TIMM29: variants seen among roughly 807,000 people sequenced by gnomAD.
The protein encoded by TIMM29 is mitochondrial import inner membrane translocase subunit Tim29.
TIMM29 carries 23 observed loss-of-function variants against 19.5 expected under a neutral mutation model. The ratio of observed to expected loss-of-function variants is 1.18; its 90% CI spans 0.85 to 1.67. TIMM29 has a LOEUF of 1.67. Ranked by LOEUF, TIMM29 falls within the 40% of genes most tolerant of loss-of-function variation. The pLI is 0.00. For synonymous variants in TIMM29, 209 were observed against 185.0 expected (o/e 1.13, Z -1.05); for missense variants, 404 against 384.7 (o/e 1.05, Z -0.42).
Position 10,929,562 on chromosome 19 carries a change from G to GAGA in TIMM29, c.646_648dup (p.Lys216dup), listed in dbSNP as rs1233564598. ...CGAGACCAACGAGCGGCTCTTCGAT[G>GAGA]AGAAGTACAAGCCTGTCGTGCTCAC... On this transcript the variant is annotated inframe_insertion, in exon 2 of 2. Coordinates refer to ENST00000270502, the MANE Select transcript of TIMM29 (RefSeq NM_138358.4). 4 of 1,613,076 alleles carry GAGA rather than the reference G, an allele frequency of 2.5e-6. No homozygotes were observed.
At position 10,928,942 on chromosome 19, in the gene TIMM29, G is replaced by A. The variant is rs1408859170; in HGVS notation, c.94+26G>A. The A allele has an allele frequency of 3.4e-6, 5 of 1,492,232 alleles. No homozygotes were observed. In the African/African-American group the frequency reaches 4.4e-5, roughly 13 times the overall value. 92.4% of individuals were successfully genotyped at this position (1,492,232 alleles called of 1,614,324 possible). On this transcript the variant is annotated intron_variant, in intron 1 of 1. Transcript: ENST00000270502. ...GTGAGTAGCGGCGGAAGGCGGCAGGGTGGGTGGCCGCCGCGACAGGGTGGG... is the reference window on the plus strand; with the variant it reads ...GTGAGTAGCGGCGGAAGGCGGCAGGATGGGTGGCCGCCGCGACAGGGTGGG...
Position 10,929,539 on chromosome 19 carries a change from AGACCAAC to A in TIMM29, c.623_629del (p.Thr208SerfsTer38). The A allele has an allele frequency of 6.2e-7, 1 of 1,613,056 alleles. No homozygotes were observed. The highest frequency in any genetic ancestry group is 8.5e-7 in the Non-Finnish European group (1 of 1,180,028). Reference sequence around the variant, plus strand: ...GTCGGGCCCCAGCAGCTGCATTCCGAGACCAACGAGCGGCTCTTCGATGAGAAGTACA... The same window carrying A: ...GTCGGGCCCCAGCAGCTGCATTCCGAGAGCGGCTCTTCGATGAGAAGTACA... On this transcript the variant is annotated frameshift_variant, in exon 2 of 2. Transcript: ENST00000270502. LOFTEE classifies it high-confidence loss of function.
chr19:10,929,362 G>C lies in TIMM29; in HGVS notation c.443G>C (p.Arg148Pro). 6.3e-7 allele frequency: 1 copy of C among 1,592,076 alleles called. No homozygotes were observed. Among genetic ancestry groups the C allele is most frequent in the Non-Finnish European group, 8.5e-7 (1 of 1,173,002 alleles). ...GCCCAGGCCAGCCTCTACCAGGCGCGTTGCCGCTACCTGCAGCCCCGCTGG... is the reference window on the plus strand; with the variant it reads ...GCCCAGGCCAGCCTCTACCAGGCGCCTTGCCGCTACCTGCAGCCCCGCTGG... ...FDAQASLYQA[R>P]CRYLQPRWTD... Residue 148 changes from arginine (R) to proline (P), a missense_variant, in exon 2 of 2, where the codon CGT (arginine) becomes CCT (proline). Coordinates refer to ENST00000270502, the MANE Select transcript of TIMM29 (RefSeq NM_138358.4).
rs752026693 is a variant in TIMM29, at chr19:10,929,311, C to A, written c.392C>A (p.Ser131Ter). ...RLRYVNLGLC[S>*]LVYEAPFDAQ... is the part of the protein sequence containing the mutation. ...CGCTACGTCAACCTGGGGCTCTGCT[C>A]GCTGGTGTACGAGGCGCCCTTCGAC... The change falls in exon 2 of 2, where the codon TCG becomes TAG. Residue 131 changes from serine (S) to a stop codon, truncating the protein, a stop_gained. Coordinates refer to ENST00000270502, the MANE Select transcript of TIMM29 (RefSeq NM_138358.4). LOFTEE classifies it high-confidence loss of function. The A allele has an allele frequency of 6.5e-7, 1 of 1,550,338 alleles. No individual in the cohort carries two copies. The highest frequency in any genetic ancestry group is 2.4e-5 in the East Asian group (1 of 41,506).
At position 10,928,833 on chromosome 19, in the gene TIMM29, C is replaced by G; in HGVS notation, c.11C>G (p.Ala4Gly). 1 of 1,528,588 alleles carries G rather than the reference C, an allele frequency of 6.5e-7. No homozygotes were observed. Among genetic ancestry groups the G allele is most frequent in the East Asian group, 2.7e-5 (1 of 37,456 alleles). The allele number at this position is 1,528,588 out of a possible 1,614,324, so 94.7% of individuals were successfully genotyped here. ...CCAAGACGGAAGAGGATGGCCGCGGCGGCTCTGAGGAGATTTTGGTCCCGG... is the reference window on the plus strand; with the variant it reads ...CCAAGACGGAAGAGGATGGCCGCGGGGGCTCTGAGGAGATTTTGGTCCCGG... The part of the protein sequence containing the change: MAA[A>G]ALRRFWSRRR... The change falls in exon 1 of 2, where the codon GCG becomes GGG. Residue 4 changes from alanine (A) to glycine (G), a missense_variant. Transcript: ENST00000270502.
chr19:10,929,632 A>G lies in TIMM29; in HGVS notation c.713A>G (p.Gln238Arg), dbSNP rs781780438. ...DQALWEEQVL[Q>R]KEKKDRLALS... ...GCGCTGTGGGAGGAGCAGGTCTTGC[A>G]GAAGGAGAAGAAGGACAGGCTCGCC... Residue 238 changes from glutamine (Q) to arginine (R), a missense_variant, in exon 2 of 2, where the codon CAG (glutamine) becomes CGG (arginine). Coordinates refer to ENST00000270502, the MANE Select transcript of TIMM29 (RefSeq NM_138358.4). 16 of 1,612,850 alleles carry G rather than the reference A, an allele frequency of 9.9e-6. No individual in the cohort carries two copies. Among genetic ancestry groups the G allele is most frequent in the Non-Finnish European group, 1.4e-5 (16 of 1,180,000 alleles).
Position 10,929,106 on chromosome 19 carries a change from T to C in TIMM29, c.187T>C (p.Tyr63His). Residue 63 changes from tyrosine to histidine, a missense_variant, in exon 2 of 2, where the codon TAT (tyrosine) becomes CAT (histidine). Coordinates refer to ENST00000270502, the MANE Select transcript of TIMM29 (RefSeq NM_138358.4). ...ARARPGRAAVYVGLLGGAAAC... is the reference protein window; with the variant it reads ...ARARPGRAAVHVGLLGGAAAC... The stretch of plus-strand genomic sequence containing the variant: ...GGCCCGGCCGGGGCGCGCCGCTGTG[T>C]ATGTGGGTCTGCTGGGCGGCGCGGC... 2 of 1,466,654 alleles carry C rather than the reference T, an allele frequency of 1.4e-6. No individual in the cohort carries two copies. The highest frequency in any genetic ancestry group is 1.8e-6 in the Non-Finnish European group (2 of 1,121,738). 90.9% of individuals were successfully genotyped at this position (1,466,654 alleles called of 1,614,324 possible).
rs1000622819 is a variant in TIMM29, at chr19:10,928,856, C to T, written c.34C>T (p.Arg12Trp). 21 of 1,526,338 alleles carry T rather than the reference C, an allele frequency of 1.4e-5. No homozygotes were observed. Among genetic ancestry groups the T allele is most frequent in the African/African-American group, 5.8e-5 (4 of 69,292 alleles). 94.5% of individuals were successfully genotyped at this position (1,526,338 alleles called of 1,614,324 possible). A position where few individuals can be genotyped will look rare whatever the true frequency, so the allele number is the denominator to read the frequency against. The change falls in exon 1 of 2, where the codon CGG (arginine) becomes TGG (tryptophan). Residue 12 changes from arginine (R) to tryptophan (W), a missense_variant. Physicochemically the swap from Arg to Trp is moderately radical, Grantham distance 101. Coordinates refer to ENST00000270502, the MANE Select transcript of TIMM29 (RefSeq NM_138358.4). ...GGCGGCTCTGAGGAGATTTTGGTCC[C>T]GGCGCCGCGCAGAGGCGGGCGACGC... ...AAAALRRFWS[R>W]RRAEAGDAVV...
Position 10,929,255 on chromosome 19 carries a change from G to T in TIMM29, c.336G>T (p.Arg112Ser), listed in dbSNP as rs1399322941. 6.5e-7 allele frequency: 1 copy of T among 1,534,198 alleles called. No homozygotes were observed. The highest frequency in any genetic ancestry group is 1.4e-5 in the African/African-American group (1 of 73,016). Reference protein sequence around the residue: ...RNRESEAFVQRLLWLRGRGRL... With the variant: ...RNRESEAFVQSLLWLRGRGRL... ...GCGAGTCCGAAGCCTTCGTGCAGAG[G>T]CTGCTCTGGCTGCGGGGCCGTGGCC... The change falls in exon 2 of 2, where the codon AGG becomes AGT. Residue 112 changes from arginine to serine, a missense_variant. Physicochemically the swap from Arg to Ser is moderately radical, Grantham distance 110. Transcript: ENST00000270502.
In TIMM29 at chr19:10,928,925, C is replaced by T. The variant is rs373414405; in HGVS notation, c.94+9C>T. On this transcript the variant is annotated intron_variant, in intron 1 of 1. Coordinates refer to ENST00000270502, the MANE Select transcript of TIMM29 (RefSeq NM_138358.4). The stretch of plus-strand genomic sequence containing the variant: ...AGTGTGGGCGCGGCTGGGTGAGTAG[C>T]GGCGGAAGGCGGCAGGGTGGGTGGC... 13 of 1,506,682 alleles carry T rather than the reference C, an allele frequency of 8.6e-6. No individual in the cohort carries two copies. Among genetic ancestry groups the T allele is most frequent in the Admixed American group, 2.2e-5 (1 of 44,726 alleles). The allele number at this position is 1,506,682 out of a possible 1,614,324, so 93.3% of individuals were successfully genotyped here.
chr19:10,929,493 C>T lies in TIMM29; in HGVS notation c.574C>T (p.Leu192=), dbSNP rs1454125063. The T allele has an allele frequency of 1.9e-6, 3 of 1,613,108 alleles. No homozygotes were observed. Among genetic ancestry groups the T allele is most frequent in the Non-Finnish European group, 2.5e-6 (3 of 1,180,030 alleles). Residue 192 remains leucine (L), a synonymous_variant, in exon 2 of 2, where the codon CTG becomes TTG. Transcript: ENST00000270502. Reference sequence around the variant, plus strand: ...CATCAACGACGACGAATTCCTGCACCTGCCGGCGCATTTGCGGGTGGTCGG... The same window carrying T: ...CATCAACGACGACGAATTCCTGCACTTGCCGGCGCATTTGCGGGTGGTCGG... ...CDINDDEFLH[L]PAHLRVVGPQ... is the part of the protein sequence containing the mutation.
chr19:10,929,333 CGACGCCCAGGCCA>C lies in TIMM29; in HGVS notation c.416_428del (p.Asp139AlafsTer105), dbSNP rs748615198. On this transcript the variant is annotated frameshift_variant, in exon 2 of 2. Transcript: ENST00000270502. LOFTEE classifies it high-confidence loss of function. ...GCTCGCTGGTGTACGAGGCGCCCTTCGACGCCCAGGCCAGCCTCTACCAGGCGCGTTGCCGCTA... is the reference window on the plus strand; with the variant it reads ...GCTCGCTGGTGTACGAGGCGCCCTTCGCCTCTACCAGGCGCGTTGCCGCTA... 1 of 1,565,994 alleles carries C rather than the reference CGACGCCCAGGCCA, an allele frequency of 6.4e-7. No homozygotes were observed. The highest frequency in any genetic ancestry group is 1.1e-5 in the South Asian group (1 of 87,380).
chr19:10,929,153 C>T lies in TIMM29; in HGVS notation c.234C>T (p.Pro78=), dbSNP rs1468979965. 6.2e-6 allele frequency: 9 copies of T among 1,454,448 alleles called. No homozygotes were observed. In the South Asian group the frequency reaches 1.3e-4, roughly 21 times the overall value. 90.1% of individuals were successfully genotyped at this position (1,454,448 alleles called of 1,614,324 possible). A position where few individuals can be genotyped will look rare whatever the true frequency, so the allele number is the denominator to read the frequency against. The change falls in exon 2 of 2, where the codon CCC becomes CCT. Residue 78 remains proline, a synonymous_variant. Coordinates refer to ENST00000270502, the MANE Select transcript of TIMM29 (RefSeq NM_138358.4). Reference sequence around the variant, plus strand: ...CGGCGGCCTGCTTCACGCTGGCGCCCAGCGAGGGTGCCTTCGAGGAGGCGC... The same window carrying T: ...CGGCGGCCTGCTTCACGCTGGCGCCTAGCGAGGGTGCCTTCGAGGAGGCGC... ...GGAAACFTLA[P]SEGAFEEALL... is the part of the protein sequence containing the mutation.
chr19:10,929,675 G>T lies in TIMM29; in HGVS notation c.756G>T (p.Ser252=). The change falls in exon 2 of 2, where the codon TCG becomes TCT. Residue 252 remains serine, a synonymous_variant. Transcript: ENST00000270502. ...KDRLALSQAH[S]LVQAEAPR is the part of the protein sequence containing the mutation. ...GGCTCGCCCTGAGCCAGGCCCACTC[G>T]CTGGTGCAGGCGGAGGCCCCGAGAT... is the stretch of plus-strand genomic sequence containing the variant. 6.2e-7 allele frequency: 1 copy of T among 1,609,484 alleles called. No individual in the cohort carries two copies. Among genetic ancestry groups the T allele is most frequent in the Non-Finnish European group, 8.5e-7 (1 of 1,177,812 alleles).
chr19:10,929,320 A>T lies in TIMM29; in HGVS notation c.401A>T (p.Tyr134Phe). Reference protein sequence around the residue: ...YVNLGLCSLVYEAPFDAQASL... With the variant: ...YVNLGLCSLVFEAPFDAQASL... ...AACCTGGGGCTCTGCTCGCTGGTGTACGAGGCGCCCTTCGACGCCCAGGCC... is the reference window on the plus strand; with the variant it reads ...AACCTGGGGCTCTGCTCGCTGGTGTTCGAGGCGCCCTTCGACGCCCAGGCC... Residue 134 changes from tyrosine to phenylalanine, a missense_variant, in exon 2 of 2, where the codon TAC becomes TTC. Physicochemically the swap from Tyr to Phe is conservative, Grantham distance 22 (BLOSUM62 3). Coordinates refer to ENST00000270502, the MANE Select transcript of TIMM29 (RefSeq NM_138358.4). The T allele has an allele frequency of 6.4e-7, 1 of 1,555,406 alleles. No individual in the cohort carries two copies. The highest frequency in any genetic ancestry group is 8.7e-7 in the Non-Finnish European group (1 of 1,155,162).
chr19:10,929,750 C>A lies in TIMM29; in HGVS notation c.*48C>A. 1 of 1,511,438 alleles carries A rather than the reference C, an allele frequency of 6.6e-7. No homozygotes were observed. The highest frequency in any genetic ancestry group is 8.9e-7 in the Non-Finnish European group (1 of 1,121,536). The allele number at this position is 1,511,438 out of a possible 1,614,324, so 93.6% of individuals were successfully genotyped here. On this transcript the variant is annotated 3_prime_UTR_variant, in exon 2 of 2. Coordinates refer to ENST00000270502, the MANE Select transcript of TIMM29 (RefSeq NM_138358.4). ...GGCAAACTGCTTGCCTGGGGTGGTG[C>A]AGTTCTGAGTGTGCCTCACCTGCAG...
Position 10,929,281 on chromosome 19 carries a change from G to T in TIMM29, c.362G>T (p.Arg121Leu). ...QRLLWLRGRG[R>L]LRYVNLGLCS... is the part of the protein sequence containing the mutation. Reference sequence around the variant, plus strand: ...CTGCTCTGGCTGCGGGGCCGTGGCCGCCTGCGCTACGTCAACCTGGGGCTC... The same window carrying T: ...CTGCTCTGGCTGCGGGGCCGTGGCCTCCTGCGCTACGTCAACCTGGGGCTC... The change falls in exon 2 of 2, where the codon CGC (arginine) becomes CTC (leucine). Residue 121 changes from arginine (R) to leucine (L), a missense_variant. Physicochemically the swap from Arg to Leu is moderately radical, Grantham distance 102. Coordinates refer to ENST00000270502, the MANE Select transcript of TIMM29 (RefSeq NM_138358.4). The T allele has an allele frequency of 6.5e-7, 1 of 1,539,720 alleles. No individual in the cohort carries two copies. The highest frequency in any genetic ancestry group is 8.7e-7 in the Non-Finnish European group (1 of 1,147,008).
chr19:10,928,901 G>A lies in TIMM29; in HGVS notation c.79G>A (p.Val27Met). The stretch of plus-strand genomic sequence containing the variant: ...CGACGCGGTAGTGGCGAAGCCGGGA[G>A]TGTGGGCGCGGCTGGGTGAGTAGCG... The part of the protein sequence containing the change: ...AGDAVVAKPG[V>M]WARLGSWARA... The change falls in exon 1 of 2, where the codon GTG (valine) becomes ATG (methionine). Residue 27 changes from valine to methionine, a missense_variant. Coordinates refer to ENST00000270502, the MANE Select transcript of TIMM29 (RefSeq NM_138358.4). 6.6e-7 allele frequency: 1 copy of A among 1,522,568 alleles called. No individual in the cohort carries two copies. Among genetic ancestry groups the A allele is most frequent in the Non-Finnish European group, 8.8e-7 (1 of 1,141,878 alleles). 94.3% of individuals were successfully genotyped at this position (1,522,568 alleles called of 1,614,324 possible).
chr19:10,930,029 C>T lies in TIMM29; in HGVS notation c.*327C>T, dbSNP rs151176746. 130 of 247,560 alleles carry T rather than the reference C, an allele frequency of 5.3e-4. 1 individual carries two copies. Among genetic ancestry groups the T allele is most frequent in the Middle Eastern group, 5.2e-3 (4 of 768 alleles). 15.3% of individuals were successfully genotyped at this position (247,560 alleles called of 1,614,324 possible). The stretch of plus-strand genomic sequence containing the variant: ...AGGAGGTACCACATTGGTCAGCTGA[C>T]TTGCAAACTCTTCTAAGGCCACTTA... On this transcript the variant is annotated 3_prime_UTR_variant, in exon 2 of 2. Coordinates refer to ENST00000270502, the MANE Select transcript of TIMM29 (RefSeq NM_138358.4).
Sources: allele counts gnomAD v4.1 joint callset, GRCh38; gene constraint gnomAD v4.1.1; transcripts MANE v1.5; gene names NCBI Gene and HGNC (gene_info 2026-07-23, HGNC 2026-07-21).